JAK2: variants seen among roughly 807,000 people sequenced by gnomAD.
JAK2 encodes Janus kinase 2, also known as tyrosine-protein kinase JAK2.
A neutral mutation model predicts 139.3 loss-of-function variants in JAK2; 86 were observed. That is an observed-to-expected ratio of 0.62 (90% CI 0.52 to 0.74). JAK2 has a LOEUF of 0.74. JAK2 is among the 30% of genes least tolerant of loss of function. The pLI is 0.00. For missense variants in JAK2, 1,421 were observed against 1,360.3 expected, an observed-to-expected ratio of 1.04 and a Z score of -0.70; for synonymous variants, 490 against 437.7, an observed-to-expected ratio of 1.12 and a Z score of -1.49.
chr9:5,091,500 AT>A (rs1192316533), intron 22 of JAK2: 3 of 151,764 alleles, frequency 2.0e-5, no homozygotes, highest in Non-Finnish European at 4.4e-5. Flanking sequence ...ATTCATGAGG[AT>A]TTTGTAGGTG....
intron 8 of JAK2, among the ~76,000 whole-genome samples, chr9:5,059,246 C>G (rs1386596176): frequency 1.3e-5 from 2 of 152,182 alleles, no homozygotes; most frequent in Non-Finnish European, 2.9e-5. Flanking sequence ...CCACCCCTAA[C>G]TTAAGATACC....
At chr9:5,035,342 C>T (rs908190829) in intron 4 of JAK2, among the ~76,000 whole-genome samples, 6 of 152,300 alleles carry the variant, frequency 3.9e-5, no homozygotes, top group African/African-American at 1.4e-4. Flanking sequence ...GAAACTATTC[C>T]AATCAATAGA....
At position 5,127,490 on chromosome 9, in the gene JAK2, T is replaced by A. The variant is rs1824074840; in HGVS notation, c.*699T>A. On this transcript the variant is annotated 3_prime_UTR_variant, in exon 25 of 25. Transcript: ENST00000381652. Reference sequence around the variant, plus strand: ...TGACCCTAAATAATACATTTTGAAATGAAACAAGCTTACAAAGATATAATC... The same window carrying A: ...TGACCCTAAATAATACATTTTGAAAAGAAACAAGCTTACAAAGATATAATC... The A allele has an allele frequency of 4.3e-6, 1 of 231,104 alleles. No individual in the cohort carries two copies. Among genetic ancestry groups the A allele is most frequent in the South Asian group, 1.8e-4 (1 of 5,512 alleles). 14.3% of individuals were successfully genotyped at this position (231,104 alleles called of 1,614,324 possible). A position where few individuals can be genotyped will look rare whatever the true frequency, so the allele number is the denominator to read the frequency against.
chr9:4,998,152 CA>C (rs1293436450), intron 2 of JAK2, among the ~76,000 whole-genome samples: 1 of 152,098 alleles, frequency 6.6e-6, no homozygotes, highest in Non-Finnish European at 1.5e-5. Flanking sequence ...TTTTTATAGA[CA>C]AACTCGTCAC....
intron 4 of JAK2, among the ~76,000 whole-genome samples, chr9:5,042,327 C>CG (rs1179206587): frequency 2.0e-5 from 3 of 151,002 alleles, no homozygotes; most frequent in African/African-American, 7.3e-5. Flanking sequence ...TTAGTAGAGA[C>CG]GGGGTTTCAC....
chr9:5,050,886 T>A, intron 6 of JAK2, 55 bp downstream of exon 6: 1 of 1,435,842 alleles, frequency 7.0e-7, no homozygotes, highest in Non-Finnish European at 9.7e-7. Context: ...TTTTATATAA[T>A]TCGTATATAT....
chr9:5,021,953 T>A lies in JAK2; in HGVS notation c.-25-10T>A. 1 of 1,515,036 alleles carries A rather than the reference T, an allele frequency of 6.6e-7. No individual in the cohort carries two copies. Among genetic ancestry groups the A allele is most frequent in the Non-Finnish European group, 9.2e-7 (1 of 1,092,222 alleles). The allele number at this position is 1,515,036 out of a possible 1,614,324, so 93.8% of individuals were successfully genotyped here. ...CAGCCCATTTGTAACTTTATTGTTT[T>A]CTCTTACAGGCAAATGTTCTGAAAA... On this transcript the variant is annotated splice_polypyrimidine_tract_variant and intron_variant, in intron 2 of 24. Coordinates refer to ENST00000381652, the MANE Select transcript of JAK2 (RefSeq NM_004972.4).
At position 5,080,920 on chromosome 9, in the gene JAK2, G is replaced by T. The variant is rs1201071426; in HGVS notation, c.2434+237G>T. On this transcript the variant is annotated intron_variant, in intron 18 of 24. Coordinates refer to ENST00000381652, the MANE Select transcript of JAK2 (RefSeq NM_004972.4). ...TTTTTTTTTTTTTTTTTTTGAGATG[G>T]AGTCTTACTCTGTCGCCCAGGCTGG... is the stretch of plus-strand genomic sequence containing the variant. 3.8e-4 allele frequency among the ~76,000 whole-genome samples: 45 copies of T among 117,110 alleles called. 1 individual carries two copies. Among genetic ancestry groups the T allele is most frequent in the Non-Finnish European group, 5.0e-5 (3 of 60,442 alleles). 76.8% of individuals were successfully genotyped at this position (117,110 alleles called of 152,430 possible).
At chr9:4,991,727 T>C (rs1001330180) in intron 2 of JAK2, among the ~76,000 whole-genome samples, 1 of 125,558 alleles carries the variant, frequency 8.0e-6, no homozygotes, top group East Asian at 2.8e-4. Flanking sequence ...CTCTAATTCC[T>C]GTACACCAGG....
chr9:5,113,504 G>A (rs1365519874), intron 22 of JAK2: 1 of 152,058 alleles, frequency 6.6e-6, no homozygotes. Flanking sequence ...GACTTCAGAG[G>A]GTGACTCCCC....
intron 14 of JAK2, among the ~76,000 whole-genome samples, chr9:5,076,327 C>A (rs914225580): frequency 6.6e-6 from 1 of 152,042 alleles, no homozygotes; most frequent in African/African-American, 2.4e-5. Context: ...AGAAATCTTT[C>A]ATGAAAGGAA....
At position 5,050,796 on chromosome 9, in the gene JAK2, C is replaced by T. The variant is rs41302214; in HGVS notation, c.579C>T (p.Asn193=). 835 of 1,613,492 alleles carry T rather than the reference C, an allele frequency of 5.2e-4. 4 individuals are homozygous for T. The highest frequency in any genetic ancestry group is 2.9e-3 in the South Asian group (267 of 91,064). ...VLDMMRIAKE[N]DQTPLAIYNS... ...ATATGATGAGAATAGCCAAAGAAAACGATCAAACCCCACTGGCCATCTATA... is the reference window on the plus strand; with the variant it reads ...ATATGATGAGAATAGCCAAAGAAAATGATCAAACCCCACTGGCCATCTATA... Residue 193 remains asparagine, a synonymous_variant, in exon 6 of 25, where the codon AAC becomes AAT. Coordinates refer to ENST00000381652, the MANE Select transcript of JAK2 (RefSeq NM_004972.4).
chr9:5,063,638 T>C (rs1339749738), intron 8 of JAK2, among the ~76,000 whole-genome samples: 1 of 152,220 alleles, frequency 6.6e-6, no homozygotes, highest in Non-Finnish European at 1.5e-5. Context: ...TTTTATGATA[T>C]TGAATTTTCC....
rs1820965956 is a variant in JAK2 at position 5,096,110 on chromosome 9, T to A, written c.3059+5199T>A. Among the ~76,000 whole-genome samples the A allele has an allele frequency of 2.6e-5, 4 of 152,162 alleles. No homozygotes were observed. In the South Asian group the frequency reaches 8.3e-4, roughly 32 times the overall value. On this transcript the variant is annotated intron_variant, in intron 22 of 24. Transcript: ENST00000381652. The stretch of plus-strand genomic sequence containing the variant: ...CTCAACCTGTAGTTTTATATATGCC[T>A]AATTTACTCCATCTCAATGACAATA...
At chr9:4,984,504 A>C (rs1206477833), upstream of JAK2, 1 of 151,486 alleles carries the variant, frequency 6.6e-6, no homozygotes, top group Non-Finnish European at 1.5e-5. Flanking sequence ...TCCCACCCTC[A>C]CCCCTTTCCA....
At chr9:5,031,215 A>G (rs914336552) in intron 4 of JAK2, among the ~76,000 whole-genome samples, 1 of 152,230 alleles carries the variant, frequency 6.6e-6, no homozygotes, top group Non-Finnish European at 1.5e-5. Flanking sequence ...ACACATTACT[A>G]TGTAAATTGA....
Position 5,077,592 on chromosome 9 carries a change from A to C in JAK2, c.1992+12A>C. ...CCATGCATTTTCTAGTAAGTAGTAC[A>C]ACCTTTTTATCAAAAGATACTATTT... On this transcript the variant is annotated intron_variant, in intron 15 of 24. Transcript: ENST00000381652. 6.9e-7 allele frequency: 1 copy of C among 1,455,134 alleles called. No homozygotes were observed. The highest frequency in any genetic ancestry group is 9.1e-7 in the Non-Finnish European group (1 of 1,099,228). 90.1% of individuals were successfully genotyped at this position (1,455,134 alleles called of 1,614,324 possible). A position where few individuals can be genotyped will look rare whatever the true frequency, so the allele number is the denominator to read the frequency against.
chr9:5,126,547 G>A, intron 24 of JAK2, 101 bp downstream of exon 24: 1 of 956,662 alleles, frequency 1.0e-6, no homozygotes, highest in East Asian at 2.5e-5. Context: ...GGAGCTTCCA[G>A]ATAAACAGCA....
At chr9:5,077,422 C>A (rs1163723824) in intron 14 of JAK2, 31 bp from the exon 15 acceptor site, 4 of 796,950 alleles carry the variant, frequency 5.0e-6, no homozygotes, top group Non-Finnish European at 7.1e-6. Flanking sequence ...TATACTTAAG[C>A]CTTATTATTA....
Sources: allele counts gnomAD v4.1 joint callset (sites outside exome capture counted in the v4.1 genomes callset), GRCh38; gene constraint gnomAD v4.1.1; transcripts MANE v1.5; gene names NCBI Gene and HGNC (gene_info 2026-07-23, HGNC 2026-07-21).